The following ITGA2 variants were observed in gnomAD, a reference collection of about 807,000 sequenced individuals.
The protein encoded by ITGA2 is integrin alpha-2.
A neutral mutation model predicts 146.3 loss-of-function variants in ITGA2; 101 were observed. The observed-to-expected ratio is 0.69, with a 90% CI of 0.59 to 0.81. The LOEUF is 0.81. Among genes scored for constraint, ITGA2 ranks in the 40% least tolerant of loss-of-function variants. ITGA2 has a pLI of 0.00. For synonymous variants in ITGA2, 477 were observed against 487.1 expected (o/e 0.98, Z 0.27); for missense variants, 1,281 against 1,402.7 (o/e 0.91, Z 1.39).
intron 23 of ITGA2, among the ~76,000 whole-genome samples, chr5:53,077,057 CAT>C (rs3212597): frequency 0.11 from 16,693 of 151,952 alleles, 1,101 homozygotes; most frequent in African/African-American, 0.18. Context: ...TATACACACA[CAT>C]GTGCACATTT....
chr5:52,999,298 A>T (rs1326114364), intron 1 of ITGA2, among the ~76,000 whole-genome samples: 1 of 152,246 alleles, frequency 6.6e-6, no homozygotes, highest in African/African-American at 2.4e-5. Context: ...AAAAAAAATC[A>T]AAATTCAAAT....
chr5:53,056,293 C>G, intron 9 of ITGA2, 144 bp downstream of exon 9: 1 of 653,010 alleles, frequency 1.5e-6, no homozygotes, highest in Non-Finnish European at 2.6e-6. Context: ...GGATGAAAAA[C>G]ATGAATAAAT....
intron 2 of ITGA2, among the ~76,000 whole-genome samples, chr5:53,037,569 G>A (rs2111865128): frequency 6.6e-6 from 1 of 152,280 alleles, no homozygotes; most frequent in East Asian, 1.9e-4. Flanking sequence ...AATTTTCTTG[G>A]AATAGCCTCT....
intron 1 of ITGA2, among the ~76,000 whole-genome samples, chr5:52,996,502 GAT>G (rs1741262811): frequency 6.6e-6 from 1 of 152,116 alleles, no homozygotes; most frequent in Non-Finnish European, 1.5e-5. Flanking sequence ...AAATAGAGAG[GAT>G]ATTAACTAAT....
intron 1 of ITGA2, among the ~76,000 whole-genome samples, chr5:53,024,696 A>C (rs1348011941): frequency 6.6e-6 from 1 of 152,244 alleles, no homozygotes; most frequent in Non-Finnish European, 1.5e-5. Flanking sequence ...TGTTATAGGC[A>C]GTGGAACAGG....
intron 2 of ITGA2, among the ~76,000 whole-genome samples, chr5:53,038,194 C>T (rs1272144028): frequency 2.2e-5 from 3 of 137,112 alleles, no homozygotes; most frequent in South Asian, 2.5e-4. Context: ...AGCTTTGCTA[C>T]CAGAGGCTCT....
chr5:53,004,879 A>G (rs1741749891), intron 1 of ITGA2, among the ~76,000 whole-genome samples: 1 of 131,666 alleles, frequency 7.6e-6, no homozygotes, highest in Non-Finnish European at 1.6e-5. Flanking sequence ...TACAACTTCT[A>G]AGTTTAGTTG....
At chr5:53,087,422 C>T (rs1439275138) in intron 28 of ITGA2, among the ~76,000 whole-genome samples, 5 of 151,960 alleles carry the variant, frequency 3.3e-5, no homozygotes, top group Admixed American at 2.6e-4. Flanking sequence ...GAGCTTAGGC[C>T]ACAAAACTTA....
chr5:53,021,474 A>G (rs928529556), intron 1 of ITGA2, among the ~76,000 whole-genome samples: 6 of 152,312 alleles, frequency 3.9e-5, no homozygotes, highest in Non-Finnish European at 8.8e-5. Flanking sequence ...CTTCCGGAGT[A>G]GATAACATTC....
At chr5:53,056,469 A>C (rs1744640409) in intron 9 of ITGA2, among the ~76,000 whole-genome samples, 1 of 151,972 alleles carries the variant, frequency 6.6e-6, no homozygotes, top group South Asian at 2.1e-4. Flanking sequence ...AATCCTGGAG[A>C]GATTATCAGG....
chr5:53,067,736 G>C (rs546195051), intron 16 of ITGA2, among the ~76,000 whole-genome samples: 51 of 152,028 alleles, frequency 3.4e-4, no homozygotes, highest in African/African-American at 1.2e-3. Context: ...CTTTTACCCA[G>C]TGTTTTAAAT....
chr5:53,069,354 G>T (rs915115454), intron 16 of ITGA2, among the ~76,000 whole-genome samples: 7 of 151,766 alleles, frequency 4.6e-5, no homozygotes, highest in African/African-American at 1.5e-4. Context: ...TAAGTAAATT[G>T]CCCCAAGTCA....
chr5:53,092,374 A>G lies in ITGA2; in HGVS notation c.*1775A>G, dbSNP rs1740470576. 6.6e-6 allele frequency: 1 copy of G among 152,198 alleles called. No individual in the cohort carries two copies. Among genetic ancestry groups the G allele is most frequent in the South Asian group, 2.1e-4 (1 of 4,832 alleles). The allele number at this position is 152,198 out of a possible 1,614,324, so 9.4% of individuals were successfully genotyped here. ...TGACTTGGAAAAAAATGTCAAAGGA[A>G]AACAGGTTATCTGCCCATGTGCATA... is the stretch of plus-strand genomic sequence containing the variant. On this transcript the variant is annotated 3_prime_UTR_variant, in exon 30 of 30. Transcript: ENST00000296585.
chr5:53,018,778 T>A (rs990359448), intron 1 of ITGA2, among the ~76,000 whole-genome samples: 3 of 152,140 alleles, frequency 2.0e-5, no homozygotes, highest in Admixed American at 1.3e-4. Flanking sequence ...ATTTTGTTTT[T>A]TAGGCTGGGC....
chr5:53,067,760 C>T (rs769757664), intron 16 of ITGA2, among the ~76,000 whole-genome samples: 6 of 151,834 alleles, frequency 4.0e-5, no homozygotes, highest in Admixed American at 1.3e-4. Context: ...CTAAATAATA[C>T]AGAGAAATGA....
intron 1 of ITGA2, among the ~76,000 whole-genome samples, chr5:53,002,930 G>A (rs1741655622): frequency 6.6e-6 from 1 of 152,012 alleles, no homozygotes; most frequent in African/African-American, 2.4e-5. Context: ...ATTTAAAAAT[G>A]CCTATCTTTT....
chr5:53,073,093 C>T (rs969411983), intron 19 of ITGA2, 25 bp from the exon 20 acceptor site: 23 of 1,608,536 alleles, frequency 1.4e-5, no homozygotes, highest in South Asian at 2.2e-5. Flanking sequence ...AATGGCTTTT[C>T]CCCCCTCCTT....
At chr5:53,074,942 G>A (rs1350204214) in intron 21 of ITGA2, 119 bp from the exon 22 acceptor site, 4 of 716,556 alleles carry the variant, frequency 5.6e-6, no homozygotes, top group Admixed American at 4.3e-5. Context: ...AAAGCTTAAG[G>A]TATATAAAAT....
In ITGA2 at chr5:53,062,858, G is replaced by A. The variant is rs777510136; in HGVS notation, c.1531G>A (p.Val511Ile). 4 of 1,611,486 alleles carry A rather than the reference G, an allele frequency of 2.5e-6. No individual in the cohort carries two copies. Among genetic ancestry groups the A allele is most frequent in the African/African-American group, 1.3e-5 (1 of 74,812 alleles). ...AGACACCATTACAGACGTGCTCTTG[G>A]TAGGTGCACCAATGTACATGAGTGA... ...DKDTITDVLL[V>I]GAPMYMSDLK... The change falls in exon 13 of 30, where the codon GTA becomes ATA. Residue 511 changes from valine to isoleucine, a missense_variant. Around this residue, in one of 3 missense-constraint regions of ITGA2, gnomAD observed 795 missense variants for 841.7 expected, o/e 0.94. Transcript: ENST00000296585.
Sources: gnomAD v4.1 joint callset for allele counts (sites outside exome capture counted in the v4.1 genomes callset) on GRCh38, gnomAD v4.1.1 for gene constraint, gnomAD v4.1.1 regional missense constraint, MANE v1.5 for transcripts, NCBI Gene and HGNC (gene_info 2026-07-23, HGNC 2026-07-21) for gene names.